C10orf90: variants seen among roughly 807,000 people sequenced by gnomAD.
The protein encoded by C10orf90 is (E2-independent) E3 ubiquitin-conjugating enzyme FATS.
C10orf90 carries 56 observed loss-of-function variants against 62.5 expected under a neutral mutation model. That is an observed-to-expected ratio of 0.90 (90% CI 0.72 to 1.12). The LOEUF (loss-of-function observed/expected upper bound fraction) is 1.12. Among genes scored for constraint, C10orf90 ranks in the 50% most tolerant of loss-of-function variants. The pLI is 0.00. For synonymous variants in C10orf90, 386 were observed against 340.4 expected (o/e 1.13, Z -1.47); for missense variants, 970 against 880.4 (o/e 1.10, Z -1.29).
At chr10:126,623,980 T>C (rs1365834131) in intron 2 of C10orf90, among the ~76,000 whole-genome samples, 5 of 152,140 alleles carry the variant, frequency 3.3e-5, no homozygotes, top group Non-Finnish European at 1.5e-5. Context: ...GACTCCACCA[T>C]CGCATTTTGG....
At position 126,504,352 on chromosome 10, in the gene C10orf90, G is replaced by C; in HGVS notation, c.1139C>G (p.Pro380Arg). 6.2e-7 allele frequency: 1 copy of C among 1,614,150 alleles called. No homozygotes were observed. The highest frequency in any genetic ancestry group is 8.5e-7 in the Non-Finnish European group (1 of 1,180,048). The change falls in exon 4 of 10, where the codon CCC (proline) becomes CGC (arginine). Residue 380 changes from proline (P) to arginine (R), a missense_variant. Transcript: ENST00000488181. This position sits in a 1 kb window ranked among gnomAD's most constrained non-coding sequence, Gnocchi z 4.1. Reference protein sequence around the residue: ...VPIEPPQIASPKMHRSVLSLN... With the variant: ...VPIEPPQIASRKMHRSVLSLN... ...CGACAGGACGGATCTGTGCATTTTG[G>C]GGCTGGCAATTTGAGGTGGCTCAAT... is the stretch of plus-strand genomic sequence containing the variant.
intron 2 of C10orf90, among the ~76,000 whole-genome samples, chr10:126,642,821 G>A (rs922050063): frequency 3.4e-4 from 51 of 152,076 alleles, no homozygotes; most frequent in African/African-American, 1.1e-3. Flanking sequence ...CCTCTCACAC[G>A]TAGAGTTTCC....
chr10:126,490,990 C>T (rs1861738685), intron 4 of C10orf90, among the ~76,000 whole-genome samples: 1 of 151,982 alleles, frequency 6.6e-6, no homozygotes, highest in Admixed American at 6.6e-5. Flanking sequence ...GATTCAGTTC[C>T]CATACAGAAA....
intron 2 of C10orf90, among the ~76,000 whole-genome samples, chr10:126,626,696 CTG>C (rs1270545240): frequency 6.6e-6 from 1 of 152,208 alleles, no homozygotes; most frequent in East Asian, 1.9e-4. Context: ...GGAGCAGAAA[CTG>C]AATCACAGGG....
chr10:126,514,989 C>A (rs1176108393), intron 2 of C10orf90, among the ~76,000 whole-genome samples: 1 of 152,168 alleles, frequency 6.6e-6, no homozygotes, highest in Non-Finnish European at 1.5e-5. Flanking sequence ...TAAATGGCTC[C>A]CCAACTGCTA....
At chr10:126,458,774 A>C (rs1859750365) in intron 7 of C10orf90, among the ~76,000 whole-genome samples, 2 of 152,200 alleles carry the variant, frequency 1.3e-5, no homozygotes, top group Non-Finnish European at 2.9e-5. Context: ...TGGCTGCTAC[A>C]GTGGTGTGGC....
chr10:126,570,499 T>C (rs113234250), intron 2 of C10orf90, among the ~76,000 whole-genome samples: 8 of 152,350 alleles, frequency 5.3e-5, no homozygotes, highest in African/African-American at 1.9e-4. Context: ...GGAGGGACTT[T>C]AAAACTTAAT....
chr10:126,460,839 G>C (rs569924537), intron 6 of C10orf90, among the ~76,000 whole-genome samples: 47 of 152,330 alleles, frequency 3.1e-4, no homozygotes, highest in African/African-American at 1.1e-3. Flanking sequence ...AATACAGTTA[G>C]CAGAGGATTC....
At chr10:126,615,801 GA>G (rs1231140266) in intron 2 of C10orf90, among the ~76,000 whole-genome samples, 1 of 152,168 alleles carries the variant, frequency 6.6e-6, no homozygotes, top group Non-Finnish European at 1.5e-5. Context: ...GAGAGACACA[GA>G]AAAGTCCAAA....
intron 4 of C10orf90, among the ~76,000 whole-genome samples, chr10:126,488,500 G>T (rs1488449018): frequency 6.6e-6 from 1 of 151,772 alleles, no homozygotes; most frequent in African/African-American, 2.4e-5. Flanking sequence ...ATAGAAATAA[G>T]AAAGCTAAAA....
intron 7 of C10orf90, among the ~76,000 whole-genome samples, chr10:126,440,267 C>T (rs904127806): frequency 6.6e-6 from 1 of 152,168 alleles, no homozygotes; most frequent in Non-Finnish European, 1.5e-5. Context: ...TGACTGCTGG[C>T]TGTCCCCACT....
intron 2 of C10orf90, among the ~76,000 whole-genome samples, chr10:126,627,627 A>T (rs544073801): frequency 9.2e-5 from 14 of 152,162 alleles, no homozygotes; most frequent in Non-Finnish European, 1.8e-4. Flanking sequence ...CTGCTAGTTC[A>T]TTTCTACCTT....
rs572566069 is a variant in C10orf90 at position 126,602,997 on chromosome 10, G to C, written c.313+43568C>G. Among the ~76,000 whole-genome samples, 7 of 152,020 alleles carry C rather than the reference G, an allele frequency of 4.6e-5. No homozygotes were observed. The East Asian group carries it at 1.4e-3, about 30-fold the overall frequency. On this transcript the variant is annotated intron_variant, in intron 2 of 9. Coordinates refer to ENST00000488181, the MANE Select transcript of C10orf90 (RefSeq NM_001350921.2). Reference sequence around the variant, plus strand: ...AGAGAGAGAGAGACAGAGTGAGAGAGACAGACAGAGGGAAGCAGAGAGAAG... The same window carrying C: ...AGAGAGAGAGAGACAGAGTGAGAGACACAGACAGAGGGAAGCAGAGAGAAG...
intron 2 of C10orf90, among the ~76,000 whole-genome samples, chr10:126,587,037 C>T (rs1253602251): frequency 6.6e-6 from 1 of 152,034 alleles, no homozygotes; most frequent in Non-Finnish European, 1.5e-5. Flanking sequence ...TTTTTAGTCA[C>T]GCCATTGTAA....
intron 2 of C10orf90, chr10:126,521,503 T>G (rs1234945931): frequency 8.6e-6 from 12 of 1,401,060 alleles, no homozygotes; most frequent in Non-Finnish European, 1.0e-5. Flanking sequence ...TGTAATGAAG[T>G]CACCGGAATG....
intron 7 of C10orf90, among the ~76,000 whole-genome samples, chr10:126,435,510 G>C (rs1475772415): frequency 6.6e-6 from 1 of 152,084 alleles, no homozygotes; most frequent in Non-Finnish European, 1.5e-5. Flanking sequence ...CCTTGGTGGG[G>C]AGGTGGTGAA....
intron 2 of C10orf90, among the ~76,000 whole-genome samples, chr10:126,565,175 T>A (rs183661310): frequency 0.01 from 225 of 21,940 alleles, 30 homozygotes; most frequent in Non-Finnish European, 0.016. Context: ...ATATTACATA[T>A]TATGTAATAT....
chr10:126,446,498 GA>G (rs555500274), intron 7 of C10orf90, among the ~76,000 whole-genome samples: 112 of 151,980 alleles, frequency 7.4e-4, no homozygotes, highest in East Asian at 7.8e-4. Context: ...GTGCTGGGGG[GA>G]AAAAAATCTG....
At chr10:126,476,623 T>G (rs917436594) in intron 4 of C10orf90, among the ~76,000 whole-genome samples, 1 of 152,210 alleles carries the variant, frequency 6.6e-6, no homozygotes, top group Admixed American at 6.5e-5. Flanking sequence ...CATTTCTCAA[T>G]GCAATAAACA....
Sources: gnomAD v4.1 joint callset for allele counts (sites outside exome capture counted in the v4.1 genomes callset) on GRCh38, gnomAD v4.1.1 for gene constraint, Gnocchi (gnomAD v3.1) non-coding constraint, MANE v1.5 for transcripts, NCBI Gene and HGNC (gene_info 2026-07-23, HGNC 2026-07-21) for gene names.